The following APLP1 variants were observed in gnomAD, a reference collection of about 807,000 sequenced individuals.
APLP1 encodes the protein amyloid beta precursor like protein 1.
A neutral mutation model predicts 84.5 loss-of-function variants in APLP1; 46 were observed. The observed-to-expected ratio is 0.54, with a 90% CI of 0.43 to 0.70. The LOEUF (loss-of-function observed/expected upper bound fraction) is 0.70, where lower values mean the gene tolerates loss of function less well. Among genes scored for constraint, APLP1 ranks in the 30% least tolerant of loss-of-function variants. The pLI is 0.00. For synonymous variants in APLP1, 376 were observed against 364.0 expected (o/e 1.03, Z -0.38); for missense variants, 826 against 900.2 (o/e 0.92, Z 1.05).
Position 35,872,534 on chromosome 19 carries a change from C to T in APLP1, c.902C>T (p.Pro301Leu). The T allele has an allele frequency of 1.2e-6, 2 of 1,613,918 alleles. No individual in the cohort carries two copies. Among genetic ancestry groups the T allele is most frequent in the Non-Finnish European group, 8.5e-7 (1 of 1,179,928 alleles). The change falls in exon 7 of 17, where the codon CCT becomes CTT. Residue 301 changes from proline to leucine, a missense_variant. By Grantham distance (98) the Pro-to-Leu change is moderately conservative (BLOSUM62 -3). Transcript: ENST00000221891. ...TDGVDIYFGM[P>L]GEISEHEGFL... ...GGTGTGGATATTTACTTTGGCATGC[C>T]TGGGGAAATCAGTGAGCACGAGGGG... is the stretch of plus-strand genomic sequence containing the variant.
chr19:35,872,505 A>G lies in APLP1; in HGVS notation c.873A>G (p.Thr291=). Residue 291 remains threonine, a synonymous_variant, in exon 7 of 17, where the codon ACA becomes ACG. Transcript: ENST00000221891. ...CAGTCACTCCCACCCCGAGGCCCAC[A>G]GACGGTGTGGATATTTACTTTGGCA... ...VGKVTPTPRP[T]DGVDIYFGMP... The G allele has an allele frequency of 6.2e-7, 1 of 1,613,570 alleles. No individual in the cohort carries two copies. Among genetic ancestry groups the G allele is most frequent in the South Asian group, 1.1e-5 (1 of 91,060 alleles).
intron 14 of APLP1, 115 bp from the exon 15 acceptor site, chr19:35,878,775 G>T: frequency 6.5e-7 from 1 of 1,538,794 alleles, no homozygotes; most frequent in Non-Finnish European, 9.0e-7. Flanking sequence ...GGGAGCTGAG[G>T]ACGTGGAATT....
chr19:35,869,497 C>CCCAGCGCT, intron 1 of APLP1, 170 bp from the exon 2 acceptor site: 1 of 938,956 alleles, frequency 1.1e-6, no homozygotes, highest in Non-Finnish European at 1.6e-6. Context: ...GCTGGGGCGC[C>CCCAGCGCT]CCCGCCCTAC....
At chr19:35,870,120 A>C in intron 2 of APLP1, 50 of 327,006 alleles carry the variant, frequency 1.5e-4, no homozygotes, top group Middle Eastern at 8.6e-4. Context: ...GACCAGCAAG[A>C]TGGGGAAAGG....
intron 2 of APLP1, 42 bp downstream of exon 2, chr19:35,869,852 AG>A (rs1466627512): frequency 1.3e-6 from 2 of 1,549,694 alleles, no homozygotes; most frequent in Non-Finnish European, 8.7e-7. Context: ...GCCCATAGAA[AG>A]CTAGACTTGA....
Position 35,871,321 on chromosome 19 carries a change from C to T in APLP1, c.509C>T (p.Ser170Leu), listed in dbSNP as rs780611201. Residue 170 changes from serine to leucine, a missense_variant, in exon 4 of 17, where the codon TCA becomes TTA. Coordinates refer to ENST00000221891, the MANE Select transcript of APLP1 (RefSeq NM_001024807.3). ...HQERMDQCESSTRRHQEAQEA... is the reference protein window; with the variant it reads ...HQERMDQCESLTRRHQEAQEA... Reference sequence around the variant, plus strand: ...GAGCGCATGGACCAATGTGAGAGTTCAACCCGGAGGCATCAGGAGGCACAG... The same window carrying T: ...GAGCGCATGGACCAATGTGAGAGTTTAACCCGGAGGCATCAGGAGGCACAG... 3.7e-6 allele frequency: 6 copies of T among 1,612,554 alleles called. No homozygotes were observed. Among genetic ancestry groups the T allele is most frequent in the Non-Finnish European group, 5.1e-6 (6 of 1,179,476 alleles).
intron 6 of APLP1, 127 bp from the exon 7 acceptor site, chr19:35,872,356 G>C: frequency 7.7e-7 from 1 of 1,300,570 alleles, no homozygotes; most frequent in Non-Finnish European, 1.1e-6. Context: ...CATAATGCCA[G>C]GCAGCAGCGG....
rs1223640912 is a variant in APLP1, at chr19:35,869,126, C to T, written c.147+343C>T. On this transcript the variant is annotated intron_variant, in intron 1 of 16. Coordinates refer to ENST00000221891, the MANE Select transcript of APLP1 (RefSeq NM_001024807.3). ...AGGCATTTAGATCCAATAATCCAGA[C>T]CCCTTGTATTCTCTGGACCCATATG... The T allele has an allele frequency of 1.3e-5, 4 of 299,518 alleles. No homozygotes were observed. The Admixed American group carries it at 2.1e-4, about 16-fold the overall frequency. 18.6% of individuals were successfully genotyped at this position (299,518 alleles called of 1,614,324 possible).
rs1234252090 is a variant in APLP1, at chr19:35,877,738, C to T, written c.1465C>T (p.His489Tyr). ...CTCAGAGGAACTCCTCCACTCTGAA[C>T]ACCTGGGTCCCAGTGAATTGGAAGC... is the stretch of plus-strand genomic sequence containing the variant. ...PQIQELLHSE[H>Y]LGPSELEAPA... is the part of the protein sequence containing the mutation. The change falls in exon 12 of 17, where the codon CAC becomes TAC. Residue 489 changes from histidine (H) to tyrosine (Y), a missense_variant. By Grantham distance (83) the His-to-Tyr change is moderately conservative. This residue lies in a region of APLP1 where 433 missense variants were observed against 496.5 expected (regional missense o/e 0.87). Transcript: ENST00000221891. 2 of 1,611,516 alleles carry T rather than the reference C, an allele frequency of 1.2e-6. No individual in the cohort carries two copies. The highest frequency in any genetic ancestry group is 1.7e-6 in the Non-Finnish European group (2 of 1,179,242).
chr19:35,870,057 TA>T (rs1974104566), intron 2 of APLP1: 1 of 533,044 alleles, frequency 1.9e-6, no homozygotes, highest in Admixed American at 3.7e-5. Flanking sequence ...AGTAGAGGTG[TA>T]GGGGGGAGTG....
chr19:35,870,945 T>A lies in APLP1; in HGVS notation c.341T>A (p.Ile114Asn), dbSNP rs1255419842. The change falls in exon 3 of 17, where the codon ATC (isoleucine) becomes AAC (asparagine). Residue 114 changes from isoleucine (I) to asparagine (N), a missense_variant. By Grantham distance (149) the Ile-to-Asn change is moderately radical. This residue lies in a region of APLP1 where 383 missense variants were observed against 378.3 expected (regional missense o/e 1.01). Coordinates refer to ENST00000221891, the MANE Select transcript of APLP1 (RefSeq NM_001024807.3). Reference protein sequence around the residue: ...IARVEQATQAIPMERWCGGSR... With the variant: ...IARVEQATQANPMERWCGGSR... ...CGTGTGGAGCAGGCTACGCAGGCCA[T>A]CCCCATGGAGCGCTGGTGCGGGGGT... 1.3e-6 allele frequency: 2 copies of A among 1,597,830 alleles called. No individual in the cohort carries two copies. The highest frequency in any genetic ancestry group is 1.7e-6 in the Non-Finnish European group (2 of 1,173,610).
intron 12 of APLP1, 83 bp from the exon 13 acceptor site, chr19:35,877,999 C>A: frequency 6.7e-7 from 1 of 1,487,248 alleles, no homozygotes; most frequent in South Asian, 1.2e-5. Flanking sequence ...CTTCTTAGTC[C>A]CTGGAAGGAT....
Position 35,879,566 on chromosome 19 carries a change from C to A in APLP1, c.*125C>A. 1.3e-6 allele frequency: 1 copy of A among 756,778 alleles called. No individual in the cohort carries two copies. Among genetic ancestry groups the A allele is most frequent in the South Asian group, 1.9e-5 (1 of 53,954 alleles). 46.9% of individuals were successfully genotyped at this position (756,778 alleles called of 1,614,324 possible). ...GATCATTTCACACCCTTTTGTGAGA[C>A]GGCTGGAAATTCTTATTTCCCCTTT... On this transcript the variant is annotated 3_prime_UTR_variant, in exon 17 of 17. Transcript: ENST00000221891.
In APLP1 at chr19:35,868,739, C is replaced by A; in HGVS notation, c.103C>A (p.Pro35Thr). Residue 35 changes from proline to threonine, a missense_variant, in exon 1 of 17, where the codon CCC becomes ACC. Pro to Thr is a conservative substitution (Grantham distance 38). Around this residue, in one of 3 missense-constraint regions of APLP1, gnomAD observed 383 missense variants for 378.3 expected, o/e 1.01. Transcript: ENST00000221891. This position sits in a 1 kb window ranked among gnomAD's most constrained non-coding sequence, Gnocchi z 5.2. Reference protein sequence around the residue: ...PLLLLLLRAQPAIGSLAGGSP... With the variant: ...PLLLLLLRAQTAIGSLAGGSP... ...ATTGCTGCTGCTTCTGCGCGCGCAG[C>A]CCGCCATCGGGAGCCTGGCCGGTGG... 1 of 1,386,560 alleles carries A rather than the reference C, an allele frequency of 7.2e-7. No homozygotes were observed. Among genetic ancestry groups the A allele is most frequent in the South Asian group, 1.6e-5 (1 of 63,178 alleles). 85.9% of individuals were successfully genotyped at this position (1,386,560 alleles called of 1,614,324 possible).
Position 35,872,627 on chromosome 19 carries a change from G to A in APLP1, c.981+14G>A, listed in dbSNP as rs1974184874. The A allele has an allele frequency of 6.8e-6, 11 of 1,610,462 alleles. No individual in the cohort carries two copies. Among genetic ancestry groups the A allele is most frequent in the Non-Finnish European group, 9.3e-6 (11 of 1,177,988 alleles). ...CAGATTAATGAGGTGATAATACTGG[G>A]GGCCCCAGGACCCCCTACAGTACAG... On this transcript the variant is annotated intron_variant, in intron 7 of 16. Coordinates refer to ENST00000221891, the MANE Select transcript of APLP1 (RefSeq NM_001024807.3).
rs543974754 is a variant in APLP1, at chr19:35,877,135, C to G, written c.1444+519C>G. ...AAAGTGTGACCTATTGCAGCCCCCA[C>G]ATCTATTGTGTCTTTCTCCTGGATA... On this transcript the variant is annotated intron_variant, in intron 11 of 16. Transcript: ENST00000221891. Among the ~76,000 whole-genome samples the G allele has an allele frequency of 5.9e-5, 9 of 152,318 alleles. No individual in the cohort carries two copies. In the East Asian group the frequency reaches 1.5e-3, roughly 26 times the overall value.
At position 35,871,994 on chromosome 19, in the gene APLP1, G is replaced by A. The variant is rs892180063; in HGVS notation, c.808G>A (p.Val270Ile). 14 of 1,614,054 alleles carry A rather than the reference G, an allele frequency of 8.7e-6. No individual in the cohort carries two copies. The highest frequency in any genetic ancestry group is 6.7e-5 in the African/African-American group (5 of 74,982). ...GCAGGCTGAAGAGGAAGAGGAAACG[G>A]TCCCACCCCCAAGCTCCCATACACT... ...PPQAEEEEETVPPPSSHTLAV... is the reference protein window; with the variant it reads ...PPQAEEEEETIPPPSSHTLAV... The change falls in exon 6 of 17, where the codon GTC becomes ATC. Residue 270 changes from valine (V) to isoleucine (I), a missense_variant. Val to Ile is a conservative substitution (Grantham distance 29). Transcript: ENST00000221891.
chr19:35,876,396 C>T, intron 10 of APLP1, 121 bp from the exon 11 acceptor site: 1 of 807,908 alleles, frequency 1.2e-6, no homozygotes. Context: ...TACCACACAT[C>T]CTGTCCATTG....
chr19:35,871,090 C>T lies in APLP1; in HGVS notation c.424+62C>T, dbSNP rs922534557. 2.7e-6 allele frequency: 4 copies of T among 1,501,754 alleles called. No homozygotes were observed. In the Admixed American group the frequency reaches 6.4e-5, roughly 24 times the overall value. The allele number at this position is 1,501,754 out of a possible 1,614,324, so 93.0% of individuals were successfully genotyped here. A position where few individuals can be genotyped will look rare whatever the true frequency, so the allele number is the denominator to read the frequency against. On this transcript the variant is annotated intron_variant, in intron 3 of 16. Transcript: ENST00000221891. ...AGTTTCTGAGGGGCAAGGTTCTGAG[C>T]CCCTCTCTCAGGCCTACATTAAGGG...
Sources: allele counts gnomAD v4.1 joint callset (sites outside exome capture counted in the v4.1 genomes callset), GRCh38; gene constraint gnomAD v4.1.1; regional missense constraint gnomAD v4.1.1; non-coding constraint Gnocchi (gnomAD v3.1); transcripts MANE v1.5; gene names NCBI Gene and HGNC (gene_info 2026-07-23, HGNC 2026-07-21).